SULT1E1: variants seen among roughly 807,000 people sequenced by gnomAD.
SULT1E1 encodes sulfotransferase family 1E member 1, also known as sulfotransferase 1E1.
Under a neutral mutation model 33.6 loss-of-function variants are expected in SULT1E1, and 36 were observed. The observed-to-expected ratio is 1.07, with a 90% confidence interval of 0.82 to 1.41. The LOEUF (loss-of-function observed/expected upper bound fraction) is 1.41, where lower values mean the gene tolerates loss of function less well. Ranked by LOEUF, SULT1E1 falls within the 40% of genes most tolerant of loss-of-function variation. SULT1E1 has a pLI of 0.00. For synonymous variants in SULT1E1, 121 were observed against 111.7 expected, an observed-to-expected ratio of 1.08 and a Z score of -0.53; for missense variants, 371 against 345.7, an observed-to-expected ratio of 1.07 and a Z score of -0.58.
chr4:69,857,743 C>G (rs1721274979), intron 1 of SULT1E1, 90 bp from the exon 2 acceptor site: 10 of 1,206,554 alleles, frequency 8.3e-6, no homozygotes, highest in Non-Finnish European at 1.1e-5. Context: ...CTCCTACATA[C>G]CTAGCACTTC....
chr4:69,856,783 A>T (rs1000812700), intron 2 of SULT1E1, among the ~76,000 whole-genome samples: 1 of 151,902 alleles, frequency 6.6e-6, no homozygotes. Flanking sequence ...AAAATACAAA[A>T]AAATTAGCCA....
chr4:69,854,481 A>T (rs540593910), intron 3 of SULT1E1, among the ~76,000 whole-genome samples, 167 bp from the exon 4 acceptor site: 1 of 152,210 alleles, frequency 6.6e-6, no homozygotes, highest in East Asian at 1.9e-4. Context: ...CCCATTTTCC[A>T]TGGTGTAATT....
chr4:69,844,415 A>T, intron 6 of SULT1E1, 74 bp from the exon 7 acceptor site: 1 of 1,185,752 alleles, frequency 8.4e-7, no homozygotes, highest in Non-Finnish European at 1.2e-6. Flanking sequence ...AAGAGAAAAA[A>T]TAAACCTTTC....
intron 6 of SULT1E1, among the ~76,000 whole-genome samples, chr4:69,845,462 T>C (rs1398365930): frequency 6.6e-6 from 1 of 151,188 alleles, no homozygotes; most frequent in Non-Finnish European, 1.5e-5. Flanking sequence ...TAAAAAAAGA[T>C]GATGCTTCAA....
chr4:69,834,166 A>G, the SULT1E1 span, among the ~76,000 whole-genome samples: 415 of 152,220 alleles, frequency 2.7e-3, 2 homozygotes, highest in African/African-American at 9.2e-3. Context: ...TGATAATGCT[A>G]CACTTTCTCC....
At chr4:69,840,823 G>A (rs1720865901), downstream of SULT1E1, among the ~76,000 whole-genome samples, 1 of 152,098 alleles carries the variant, frequency 6.6e-6, no homozygotes, top group Non-Finnish European at 1.5e-5. Context: ...GAGGCGGGTG[G>A]ATCACGAGGT....
the SULT1E1 span, among the ~76,000 whole-genome samples, chr4:69,828,030 G>A: frequency 6.6e-6 from 1 of 152,230 alleles, no homozygotes. Context: ...CCCCCAACCA[G>A]ATGATCCAAC....
At chr4:69,857,782 A>G (rs1335055418) in intron 1 of SULT1E1, 129 bp from the exon 2 acceptor site, 3 of 722,154 alleles carry the variant, frequency 4.2e-6, no homozygotes, top group Non-Finnish European at 6.2e-6. Flanking sequence ...GGGCAAAAAC[A>G]TAGTAAAGTT....
chr4:69,829,115 C>G, the SULT1E1 span, among the ~76,000 whole-genome samples: 6,101 of 152,230 alleles, frequency 0.04, 409 homozygotes, highest in African/African-American at 0.14. Context: ...ACTGTAAAAA[C>G]CAAGTGGCAC....
the SULT1E1 span, among the ~76,000 whole-genome samples, chr4:69,831,292 T>C: frequency 6.6e-6 from 1 of 152,200 alleles, no homozygotes; most frequent in Non-Finnish European, 1.5e-5. Flanking sequence ...GCTGCCAGCA[T>C]GGCTGATTTT....
At chr4:69,856,229 T>C (rs1389819851) in intron 2 of SULT1E1, among the ~76,000 whole-genome samples, 3 of 152,182 alleles carry the variant, frequency 2.0e-5, no homozygotes, top group Non-Finnish European at 4.4e-5. Flanking sequence ...AGGGTCTATC[T>C]GAAGAGAGGA....
the SULT1E1 span, among the ~76,000 whole-genome samples, chr4:69,825,409 C>T: frequency 6.6e-6 from 1 of 152,124 alleles, no homozygotes; most frequent in Non-Finnish European, 1.5e-5. Context: ...ATTTTGGCAA[C>T]CGTGAAGGGA....
chr4:69,831,748 A>G, the SULT1E1 span, among the ~76,000 whole-genome samples: 1 of 152,042 alleles, frequency 6.6e-6, no homozygotes, highest in Non-Finnish European at 1.5e-5. Context: ...CTTAGCTAGG[A>G]GAGTTCCTTA....
chr4:69,839,270 T>C (rs1293689382), downstream of SULT1E1, among the ~76,000 whole-genome samples: 1 of 152,226 alleles, frequency 6.6e-6, no homozygotes, highest in Non-Finnish European at 1.5e-5. Flanking sequence ...GAGCATGCCA[T>C]TGGCATCTGG....
intron 6 of SULT1E1, among the ~76,000 whole-genome samples, chr4:69,846,305 C>CAAAAAAAAAAAAAAAAT (rs1720974935): frequency 9.3e-6 from 1 of 107,038 alleles, no homozygotes; most frequent in Admixed American, 1.0e-4. Flanking sequence ...ACAAAACAAT[C>CAAAAAAAAAAAAAAAAT]AAAAAAAAAA....
intron 6 of SULT1E1, among the ~76,000 whole-genome samples, chr4:69,845,996 A>C (rs1183297238): frequency 1.3e-5 from 2 of 151,016 alleles, no homozygotes; most frequent in African/African-American, 4.8e-5. Context: ...AAATTACTGA[A>C]ATACCATAAA....
rs1438726969 is a variant in SULT1E1, at chr4:69,849,554, G to T, written c.379C>A (p.Leu127Ile). ...GCCACATCCTTTGCATTCCGGCAAA[G>T]ATAGATTATCTAAGAGGATGAAATT... ...FWEKDCKIIY[L>I]CRNAKDVAVS... is the part of the protein sequence containing the mutation. Residue 127 changes from leucine (L) to isoleucine (I), a missense_variant, in exon 5 of 8, where the codon CTT becomes ATT. Physicochemically the swap from Leu to Ile is conservative, Grantham distance 5. Transcript: ENST00000226444. 6.2e-7 allele frequency: 1 copy of T among 1,604,892 alleles called. No homozygotes were observed. The highest frequency in any genetic ancestry group is 1.3e-5 in the African/African-American group (1 of 74,316).
the SULT1E1 span, among the ~76,000 whole-genome samples, chr4:69,828,899 T>C: frequency 0.24 from 37,172 of 152,160 alleles, 5,669 homozygotes; most frequent in South Asian, 0.43. Context: ...AGATCATCAA[T>C]GTACTGGAGC....
chr4:69,845,546 A>C (rs888165426), intron 6 of SULT1E1, among the ~76,000 whole-genome samples: 1 of 151,272 alleles, frequency 6.6e-6, no homozygotes, highest in East Asian at 1.9e-4. Flanking sequence ...TATATATATA[A>C]TATATACACA....
Sources: gnomAD v4.1 joint callset for allele counts (sites outside exome capture counted in the v4.1 genomes callset) on GRCh38, gnomAD v4.1.1 for gene constraint, MANE v1.5 for transcripts, NCBI Gene and HGNC (gene_info 2026-07-23, HGNC 2026-07-21) for gene names.